The following RANBP10 variants were observed in gnomAD, a reference collection of about 807,000 sequenced individuals.
RANBP10 encodes ran-binding protein 10.
In RANBP10, 24 loss-of-function variants were observed where a neutral mutation model predicts 72.8. The observed-to-expected ratio is 0.33, with a 90% CI of 0.24 to 0.46. RANBP10 has a LOEUF of 0.46. RANBP10 is among the 20% of genes least tolerant of loss of function. The pLI, the probability that RANBP10 is intolerant of heterozygous loss-of-function variation, is 1.00. For synonymous variants in RANBP10, 310 were observed against 322.3 expected (o/e 0.96, Z 0.41); for missense variants, 679 against 817.5 (o/e 0.83, Z 2.07).
At chr16:67,773,916 A>G (rs1427212403) in intron 2 of RANBP10, among the ~76,000 whole-genome samples, 1 of 152,222 alleles carries the variant, frequency 6.6e-6, no homozygotes, top group African/African-American at 2.4e-5. Flanking sequence ...TCCTCCTGCC[A>G]GAGGGGCTAG....
chr16:67,744,557 C>T, intron 3 of RANBP10, 102 bp from the exon 4 acceptor site: 1 of 1,267,530 alleles, frequency 7.9e-7, no homozygotes, highest in African/African-American at 1.5e-5. Context: ...CTCAGCCTGC[C>T]CCACCTCTGT....
intron 3 of RANBP10, among the ~76,000 whole-genome samples, chr16:67,771,444 C>A (rs769067915): frequency 1.3e-5 from 2 of 151,972 alleles, no homozygotes; most frequent in Non-Finnish European, 2.9e-5. Flanking sequence ...CTCCCGGGTT[C>A]AAGCGATTCT....
chr16:67,768,468 C>T (rs2054545324), intron 3 of RANBP10, among the ~76,000 whole-genome samples: 1 of 151,968 alleles, frequency 6.6e-6, no homozygotes, highest in Non-Finnish European at 1.5e-5. Flanking sequence ...TTGCGGTGAG[C>T]CGAGATCGTG....
At chr16:67,748,278 G>C (rs1378605807) in intron 3 of RANBP10, among the ~76,000 whole-genome samples, 2 of 151,740 alleles carry the variant, frequency 1.3e-5, no homozygotes, top group Non-Finnish European at 2.9e-5. Flanking sequence ...CCAGCACTTT[G>C]GGAGGCCGAG....
chr16:67,735,353 C>G (rs1389346856), intron 5 of RANBP10, among the ~76,000 whole-genome samples: 1 of 152,192 alleles, frequency 6.6e-6, no homozygotes, highest in East Asian at 1.9e-4. Flanking sequence ...CAGAAATGGG[C>G]TGGGCTCCAC....
At chr16:67,769,504 G>A (rs1372603296) in intron 3 of RANBP10, among the ~76,000 whole-genome samples, 14 of 142,666 alleles carry the variant, frequency 9.8e-5, no homozygotes, top group Non-Finnish European at 1.5e-4. Context: ...CCAGCACTTT[G>A]GGAGGCCAAG....
intron 2 of RANBP10, among the ~76,000 whole-genome samples, chr16:67,792,724 A>C (rs2143019112): frequency 6.6e-6 from 1 of 151,562 alleles, no homozygotes; most frequent in South Asian, 2.1e-4. Flanking sequence ...CAGAGGTTGC[A>C]GTGAGCCAAG....
intron 4 of RANBP10, among the ~76,000 whole-genome samples, chr16:67,738,383 C>A (rs2053898715): frequency 6.6e-6 from 1 of 151,722 alleles, no homozygotes; most frequent in Non-Finnish European, 1.5e-5. Flanking sequence ...AGTGATCTGC[C>A]CGCCTCAGCC....
At chr16:67,791,020 T>C (rs1190715010) in intron 2 of RANBP10, among the ~76,000 whole-genome samples, 1 of 149,044 alleles carries the variant, frequency 6.7e-6, no homozygotes, top group Non-Finnish European at 1.5e-5. Flanking sequence ...TTATTTCTTT[T>C]TTTTTTTTTT....
intron 2 of RANBP10, among the ~76,000 whole-genome samples, chr16:67,789,593 C>T (rs1007199213): frequency 6.6e-6 from 1 of 151,522 alleles, no homozygotes; most frequent in African/African-American, 2.4e-5. Flanking sequence ...CCTCAGCCTC[C>T]CAAGTAGCTG....
At chr16:67,765,171 A>C (rs577018675) in intron 3 of RANBP10, among the ~76,000 whole-genome samples, 3 of 132,188 alleles carry the variant, frequency 2.3e-5, no homozygotes, top group African/African-American at 8.7e-5. Flanking sequence ...CTGCACTCCA[A>C]CCTGGGTGAC....
chr16:67,729,871 G>A lies in RANBP10; in HGVS notation c.999-43C>T. 6.2e-7 allele frequency: 1 copy of A among 1,613,492 alleles called. No homozygotes were observed. Among genetic ancestry groups the A allele is most frequent in the Non-Finnish European group, 8.5e-7 (1 of 1,179,890 alleles). On this transcript the variant is annotated intron_variant, in intron 8 of 13. Transcript: ENST00000317506. This position sits in a 1 kb window ranked among gnomAD's most constrained non-coding sequence, Gnocchi z 7.1. ...CAATAATGCTCTGGTTGTGGTCCAG[G>A]TTGACGTTCCCACCACCAGCTGAGA...
chr16:67,749,346 G>A (rs1285127264), intron 3 of RANBP10, among the ~76,000 whole-genome samples: 1 of 152,198 alleles, frequency 6.6e-6, no homozygotes, highest in Non-Finnish European at 1.5e-5. Flanking sequence ...ACCCACAGCG[G>A]GAAACAGGCC....
intron 2 of RANBP10, among the ~76,000 whole-genome samples, chr16:67,779,950 T>G (rs1567706214): frequency 1.3e-5 from 2 of 152,110 alleles, no homozygotes; most frequent in Non-Finnish European, 2.9e-5. Flanking sequence ...CAGCAGAATG[T>G]GGGCCAGGCA....
At chr16:67,760,322 TG>T (rs1490035052) in intron 3 of RANBP10, among the ~76,000 whole-genome samples, 1 of 152,204 alleles carries the variant, frequency 6.6e-6, no homozygotes, top group East Asian at 1.9e-4. Context: ...CTTGTGAACC[TG>T]GCACAGACCC....
At chr16:67,784,657 A>C (rs964948558) in intron 2 of RANBP10, among the ~76,000 whole-genome samples, 32 of 145,296 alleles carry the variant, frequency 2.2e-4, no homozygotes, top group Admixed American at 6.9e-4. Context: ...ACTCCATCCC[A>C]AAAAAAAAAA....
In RANBP10 at chr16:67,729,267, G is replaced by T; in HGVS notation, c.1352+13C>A. On this transcript the variant is annotated intron_variant, in intron 10 of 13. Transcript: ENST00000317506. The surrounding 1 kb of genome is among the most constrained non-coding windows in gnomAD (Gnocchi z 7.1). ...GGCAGAAGGCAGAGGAGGAAGCAGA[G>T]CAAGGCAGGCACCTGGTCTCCTGGT... 6.2e-7 allele frequency: 1 copy of T among 1,611,218 alleles called. No homozygotes were observed. Among genetic ancestry groups the T allele is most frequent in the East Asian group, 2.2e-5 (1 of 44,876 alleles).
At chr16:67,790,222 C>T (rs1036396659) in intron 2 of RANBP10, among the ~76,000 whole-genome samples, 5 of 151,656 alleles carry the variant, frequency 3.3e-5, no homozygotes, top group African/African-American at 9.7e-5. Flanking sequence ...GTAGGATTCC[C>T]CTTACATGAA....
At chr16:67,732,863 C>T (rs566485683) in intron 6 of RANBP10, among the ~76,000 whole-genome samples, 2 of 150,804 alleles carry the variant, frequency 1.3e-5, no homozygotes, top group East Asian at 2.0e-4. Context: ...CTGGCTAATG[C>T]GGTGGAATGC....
Sources: allele counts gnomAD v4.1 joint callset (sites outside exome capture counted in the v4.1 genomes callset), GRCh38; gene constraint gnomAD v4.1.1; non-coding constraint Gnocchi (gnomAD v3.1); transcripts MANE v1.5; gene names NCBI Gene and HGNC (gene_info 2026-07-23, HGNC 2026-07-21).